Variants in ZFP41 observed in about 807,000 individuals in gnomAD.
ZFP41 encodes the protein ZFP41 zinc finger protein.
ZFP41 carries 10 observed loss-of-function variants against 11.6 expected under a neutral mutation model. That is an observed-to-expected ratio of 0.86 (90% CI 0.53 to 1.47). ZFP41 has a LOEUF of 1.47. ZFP41 is among the 40% of genes most tolerant of loss of function. The pLI is 0.00. For synonymous variants in ZFP41, 123 were observed against 100.9 expected, an observed-to-expected ratio of 1.22 and a Z score of -1.31; for missense variants, 302 against 264.6, an observed-to-expected ratio of 1.14 and a Z score of -0.98.
intron 2 of ZFP41, among the ~76,000 whole-genome samples, chr8:143,253,762 A>G (rs781041794): frequency 5.9e-5 from 9 of 152,034 alleles, no homozygotes; most frequent in African/African-American, 9.7e-5. Flanking sequence ...TCCCTCGAGA[A>G]TGGCTTGGTG....
Position 143,261,765 on chromosome 8 carries a change from CGT to C in ZFP41, c.*2893_*2894del. ...TGAGCCGGCAGCCCCTACCCGCACC[CGT>C]GCACCTTCCACGCCCGTCTCCAGCA... On this transcript the variant is annotated 3_prime_UTR_variant, in exon 3 of 3. Transcript: ENST00000330701. The C allele has an allele frequency of 4.9e-6, 1 of 204,894 alleles. No homozygotes were observed. The highest frequency in any genetic ancestry group is 6.1e-5 in the South Asian group (1 of 16,278). 12.7% of individuals were successfully genotyped at this position (204,894 alleles called of 1,614,324 possible). A position where few individuals can be genotyped will look rare whatever the true frequency, so the allele number is the denominator to read the frequency against.
intron 1 of ZFP41, chr8:143,247,567 A>T (rs1334758186): frequency 6.6e-6 from 1 of 152,300 alleles, no homozygotes; most frequent in African/African-American, 2.4e-5. Flanking sequence ...TTTTCTAGGC[A>T]GCCCTTACCG....
chr8:143,249,771 AAGCCATTGAGGAAGTG>A lies in ZFP41; in HGVS notation c.-72_-57del. 8 of 1,509,034 alleles carry A rather than the reference AAGCCATTGAGGAAGTG, an allele frequency of 5.3e-6. No homozygotes were observed. The highest frequency in any genetic ancestry group is 7.1e-6 in the Non-Finnish European group (8 of 1,134,076). 93.5% of individuals were successfully genotyped at this position (1,509,034 alleles called of 1,614,324 possible). A position where few individuals can be genotyped will look rare whatever the true frequency, so the allele number is the denominator to read the frequency against. ...GAGTGTGGAGAGGTGCGTGGGAAGC[AAGCCATTGAGGAAGTG>A]GGGCCAACAGAGAGGTCAGCAGCCC... On this transcript the variant is annotated 5_prime_UTR_variant, in exon 2 of 3. An upstream open reading frame in the 5' UTR loses its in-frame stop. Coordinates refer to ENST00000330701, the MANE Select transcript of ZFP41 (RefSeq NM_173832.6).
intron 2 of ZFP41, among the ~76,000 whole-genome samples, chr8:143,259,025 C>T (rs1012227673): frequency 1.2e-4 from 19 of 152,230 alleles, no homozygotes; most frequent in African/African-American, 3.9e-4. Flanking sequence ...CCTTGAGAAA[C>T]GTGTGTGCAC....
rs370810868 is a variant in ZFP41, at chr8:143,261,978, A to T, written c.*3104A>T. The stretch of plus-strand genomic sequence containing the variant: ...CCCGTCTCCGGCAGCCCCTGCCCGC[A>T]CCCGCACCCCTGCACCTGCCACGCC... On this transcript the variant is annotated 3_prime_UTR_variant, in exon 3 of 3. Transcript: ENST00000330701. 757 of 165,054 alleles carry T rather than the reference A, an allele frequency of 4.6e-3. No homozygotes were observed. The highest frequency in any genetic ancestry group is 7.3e-3 in the South Asian group (93 of 12,662). 10.2% of individuals were successfully genotyped at this position (165,054 alleles called of 1,614,324 possible).
At chr8:143,248,493 A>G (rs780021253) in intron 1 of ZFP41, 4 of 152,284 alleles carry the variant, frequency 2.6e-5, no homozygotes, top group Non-Finnish European at 5.9e-5. Flanking sequence ...GAGTCTGCAG[A>G]GAGCCAGATA....
chr8:143,253,798 C>G (rs928514140), intron 2 of ZFP41, among the ~76,000 whole-genome samples: 31 of 152,242 alleles, frequency 2.0e-4, no homozygotes, highest in East Asian at 9.7e-4. Context: ...TGAGTGAGCT[C>G]TCACTCTTGA....
intron 2 of ZFP41, among the ~76,000 whole-genome samples, chr8:143,256,749 AT>A (rs143208102): frequency 0.021 from 3,210 of 152,230 alleles, 118 homozygotes; most frequent in African/African-American, 0.073. Context: ...CCACTTGGAA[AT>A]TTTTTTTAAC....
In ZFP41 at chr8:143,250,319, T is replaced by A; in HGVS notation, c.476T>A (p.Leu159Gln). ...GKAFNCGSNL[L>Q]KHQKTHTGEK... ...GCCTTTAACTGCGGCTCCAATCTCC[T>A]GAAACATCAGAAGACGCACACCGGG... Residue 159 changes from leucine (L) to glutamine (Q), a missense_variant, in exon 2 of 3, where the codon CTG (leucine) becomes CAG (glutamine). By Grantham distance (113) the Leu-to-Gln change is moderately radical (BLOSUM62 -2). Transcript: ENST00000330701. The A allele has an allele frequency of 3.1e-6, 5 of 1,613,966 alleles. No homozygotes were observed. Among genetic ancestry groups the A allele is most frequent in the Non-Finnish European group, 4.2e-6 (5 of 1,180,024 alleles).
Position 143,260,442 on chromosome 8 carries a change from T to A in ZFP41, c.*1568T>A, listed in dbSNP as rs538624645. The A allele has an allele frequency of 6.4e-6, 1 of 157,340 alleles. No individual in the cohort carries two copies. Among genetic ancestry groups the A allele is most frequent in the East Asian group, 1.9e-4 (1 of 5,210 alleles). The allele number at this position is 157,340 out of a possible 1,614,324, so 9.7% of individuals were successfully genotyped here. A position where few individuals can be genotyped will look rare whatever the true frequency, so the allele number is the denominator to read the frequency against. ...GGAGTCCCAGGAATCAGCCTGATGTTCAGAATGCCTTCCTGGCATCTCAGA... is the reference window on the plus strand; with the variant it reads ...GGAGTCCCAGGAATCAGCCTGATGTACAGAATGCCTTCCTGGCATCTCAGA... On this transcript the variant is annotated 3_prime_UTR_variant, in exon 3 of 3. Transcript: ENST00000330701.
In ZFP41 at chr8:143,260,333, G is replaced by A. The variant is rs1196968973; in HGVS notation, c.*1459G>A. 1 of 154,216 alleles carries A rather than the reference G, an allele frequency of 6.5e-6. No individual in the cohort carries two copies. Among genetic ancestry groups the A allele is most frequent in the African/African-American group, 2.4e-5 (1 of 41,470 alleles). The allele number at this position is 154,216 out of a possible 1,614,324, so 9.6% of individuals were successfully genotyped here. A position where few individuals can be genotyped will look rare whatever the true frequency, so the allele number is the denominator to read the frequency against. ...GCAACTTTACACCCCAGTGTTCACT[G>A]TCCTCAGGCCACTGCAGAGCCATCC... On this transcript the variant is annotated 3_prime_UTR_variant, in exon 3 of 3. Coordinates refer to ENST00000330701, the MANE Select transcript of ZFP41 (RefSeq NM_173832.6).
Position 143,250,153 on chromosome 8 carries a change from C to G in ZFP41, c.310C>G (p.Arg104Gly). The G allele has an allele frequency of 6.2e-7, 1 of 1,614,156 alleles. No homozygotes were observed. Among genetic ancestry groups the G allele is most frequent in the Non-Finnish European group, 8.5e-7 (1 of 1,180,040 alleles). The change falls in exon 2 of 3, where the codon CGC becomes GGC. Residue 104 changes from arginine (R) to glycine (G), a missense_variant. Transcript: ENST00000330701. The stretch of plus-strand genomic sequence containing the variant: ...CTTTAAGCACAAGACAGACCACATT[C>G]GCCATCAGAGGGTCCACACTGGAGA... ...RIFKHKTDHIRHQRVHTGEKP... is the reference protein window; with the variant it reads ...RIFKHKTDHIGHQRVHTGEKP...
chr8:143,257,024 AAAGAT>A (rs1046709679), intron 2 of ZFP41, among the ~76,000 whole-genome samples: 2 of 152,256 alleles, frequency 1.3e-5, no homozygotes, highest in African/African-American at 4.8e-5. Context: ...GACCCAGGTG[AAAGAT>A]AAGACACTTA....
chr8:143,257,879 C>T (rs1445039757), intron 2 of ZFP41, among the ~76,000 whole-genome samples: 1 of 152,250 alleles, frequency 6.6e-6, no homozygotes, highest in East Asian at 1.9e-4. Context: ...AGTCCAGGTG[C>T]TTTGCACGTG....
At chr8:143,258,178 A>AG (rs1467041195) in intron 2 of ZFP41, among the ~76,000 whole-genome samples, 1 of 152,224 alleles carries the variant, frequency 6.6e-6, no homozygotes, top group Non-Finnish European at 1.5e-5. Context: ...ATTAAAAATT[A>AG]GGTATGGTGG....
rs368078608 is a variant in ZFP41, at chr8:143,250,389, C to T, written c.546C>T (p.Tyr182=). 2.5e-6 allele frequency: 4 copies of T among 1,613,614 alleles called. No homozygotes were observed. Among genetic ancestry groups the T allele is most frequent in the Non-Finnish European group, 2.5e-6 (3 of 1,179,840 alleles). ...ECTHCGKAFA[Y]SSCLIRHQKR... is the part of the protein sequence containing the mutation. ...CGCACTGTGGGAAAGCCTTTGCCTA[C>T]AGCTCCTGTCTCATCCGCCATCAGA... The change falls in exon 2 of 3, where the codon TAC becomes TAT. Residue 182 remains tyrosine, a synonymous_variant. Coordinates refer to ENST00000330701, the MANE Select transcript of ZFP41 (RefSeq NM_173832.6).
chr8:143,247,618 C>G (rs1816717773), intron 1 of ZFP41: 1 of 152,250 alleles, frequency 6.6e-6, no homozygotes, highest in Admixed American at 6.5e-5. Context: ...GTGAAGGGTC[C>G]TCCGCCCAGA....
In ZFP41 at chr8:143,249,914, C is replaced by G. The variant is rs143068726; in HGVS notation, c.71C>G (p.Ala24Gly). 1 of 1,613,534 alleles carries G rather than the reference C, an allele frequency of 6.2e-7. No homozygotes were observed. Among genetic ancestry groups the G allele is most frequent in the East Asian group, 2.2e-5 (1 of 44,848 alleles). Residue 24 changes from alanine (A) to glycine (G), a missense_variant, in exon 2 of 3, where the codon GCG becomes GGG. Ala to Gly is a moderately conservative substitution (Grantham distance 60). Transcript: ENST00000330701. The stretch of plus-strand genomic sequence containing the variant: ...GAGGAGGCAGACGTGCAGAAGAGTG[C>G]GCTCAGAGAGGAGAAGGTGTCCGGG... Reference protein sequence around the residue: ...PREEADVQKSALREEKVSGDR... With the variant: ...PREEADVQKSGLREEKVSGDR...
rs1483772672 is a variant in ZFP41 at position 143,260,740 on chromosome 8, C to T, written c.*1866C>T. 4 of 186,612 alleles carry T rather than the reference C, an allele frequency of 2.1e-5. No homozygotes were observed. The Admixed American group carries it at 2.6e-4, about 12-fold the overall frequency. The allele number at this position is 186,612 out of a possible 1,614,324, so 11.6% of individuals were successfully genotyped here. A position where few individuals can be genotyped will look rare whatever the true frequency, so the allele number is the denominator to read the frequency against. Reference sequence around the variant, plus strand: ...CCATCCTTCCAGCCTTGCTCAGTCACCCTGACCCAGAGGGCTGCCCTGACC... The same window carrying T: ...CCATCCTTCCAGCCTTGCTCAGTCATCCTGACCCAGAGGGCTGCCCTGACC... On this transcript the variant is annotated 3_prime_UTR_variant, in exon 3 of 3. Transcript: ENST00000330701.
Sources: gnomAD v4.1 joint callset for allele counts (sites outside exome capture counted in the v4.1 genomes callset) on GRCh38, gnomAD v4.1.1 for gene constraint, MANE v1.5 for transcripts, NCBI Gene and HGNC (gene_info 2026-07-23, HGNC 2026-07-21) for gene names.